Variants in HPSE2 observed in about 807,000 individuals in gnomAD.
HPSE2 encodes the protein heparanase 2 (inactive), also known as inactive heparanase-2.
A neutral mutation model predicts 60.5 loss-of-function variants in HPSE2; 38 were observed. That is an observed-to-expected ratio of 0.63 (90% confidence interval 0.48 to 0.82). The LOEUF (loss-of-function observed/expected upper bound fraction) is 0.82. Among genes scored for constraint, HPSE2 ranks in the 40% least tolerant of loss-of-function variants. The pLI is 0.00. For missense variants in HPSE2, 713 were observed against 740.4 expected (o/e 0.96, Z 0.43); for synonymous variants, 295 against 293.2 (o/e 1.01, Z -0.06).
At chr10:99,176,117 T>C (rs1468665141) in intron 2 of HPSE2, among the ~76,000 whole-genome samples, 1 of 151,824 alleles carries the variant, frequency 6.6e-6, no homozygotes, top group Non-Finnish European at 1.5e-5. Context: ...CATCAGAAGG[T>C]CACCAACATC....
At chr10:98,862,919 C>A (rs1436050145) in intron 3 of HPSE2, among the ~76,000 whole-genome samples, 3 of 152,092 alleles carry the variant, frequency 2.0e-5, no homozygotes, top group Non-Finnish European at 4.4e-5. Context: ...TACCACTGTG[C>A]CAGGCTACTT....
chr10:99,075,947 T>C (rs1200314873), intron 3 of HPSE2, among the ~76,000 whole-genome samples: 1 of 152,160 alleles, frequency 6.6e-6, no homozygotes, highest in Non-Finnish European at 1.5e-5. Context: ...ATACATATAG[T>C]TGGATCTTGT....
intron 11 of HPSE2, 49 bp from the exon 12 acceptor site, chr10:98,459,788 G>C: frequency 6.4e-7 from 1 of 1,556,290 alleles, no homozygotes; most frequent in Non-Finnish European, 8.8e-7. Flanking sequence ...TTATAAGGGA[G>C]CCACTGCAAC....
chr10:99,259,253 C>T, the HPSE2 span, among the ~76,000 whole-genome samples: 49,285 of 149,550 alleles, frequency 0.33, 11,002 homozygotes, highest in African/African-American at 0.64. Context: ...TTGCAGTGAG[C>T]CAAGATTGCT....
chr10:98,828,229 G>A (rs999475686), intron 3 of HPSE2, among the ~76,000 whole-genome samples: 3 of 152,088 alleles, frequency 2.0e-5, no homozygotes, highest in Non-Finnish European at 4.4e-5. Context: ...GCTTCTTTTT[G>A]AATAATGCTT....
At chr10:99,281,778 T>C in the HPSE2 span, among the ~76,000 whole-genome samples, 1 of 152,154 alleles carries the variant, frequency 6.6e-6, no homozygotes, top group African/African-American at 2.4e-5. Context: ...CTGTAGATCA[T>C]GGTAAACAGT....
At chr10:99,030,966 A>T (rs949387301) in intron 3 of HPSE2, among the ~76,000 whole-genome samples, 3 of 152,190 alleles carry the variant, frequency 2.0e-5, no homozygotes, top group Admixed American at 6.5e-5. Flanking sequence ...GAGTAGAAAG[A>T]TGGTTACCAG....
chr10:98,518,042 C>G (rs10748736), intron 9 of HPSE2, among the ~76,000 whole-genome samples: 6 of 152,076 alleles, frequency 3.9e-5, no homozygotes, highest in African/African-American at 1.5e-4. Context: ...TCAGCTCTTC[C>G]CAAAACATGG....
intron 9 of HPSE2, among the ~76,000 whole-genome samples, chr10:98,580,863 T>TGTGTGTGTGTGTGTGTGTGA (rs758991622): frequency 2.8e-5 from 4 of 142,594 alleles, no homozygotes; most frequent in African/African-American, 7.9e-5. Flanking sequence ...TGTGTGTGTG[T>TGTGTGTGTGTGTGTGTGTGA]GATAAACATG....
chr10:98,878,904 G>C (rs1391812626), intron 3 of HPSE2, among the ~76,000 whole-genome samples: 1 of 151,944 alleles, frequency 6.6e-6, no homozygotes, highest in Non-Finnish European at 1.5e-5. Context: ...AGATGAGTGA[G>C]AGAGACTGGA....
At chr10:98,857,577 A>C (rs1158925822) in intron 3 of HPSE2, among the ~76,000 whole-genome samples, 1 of 152,228 alleles carries the variant, frequency 6.6e-6, no homozygotes, top group African/African-American at 2.4e-5. Flanking sequence ...AAACACGTAC[A>C]CACCAAAAAT....
chr10:99,004,178 AGC>A (rs1956840593), intron 3 of HPSE2, among the ~76,000 whole-genome samples: 1 of 151,810 alleles, frequency 6.6e-6, no homozygotes, highest in Admixed American at 6.6e-5. Context: ...CAGTTGGCCC[AGC>A]TTTTTTTTAA....
At chr10:99,243,136 G>C in the HPSE2 span, among the ~76,000 whole-genome samples, 1 of 151,906 alleles carries the variant, frequency 6.6e-6, no homozygotes, top group South Asian at 2.1e-4. Context: ...GGCGGATCAC[G>C]AGGTCAGGGA....
At chr10:99,122,325 T>A (rs998886234) in intron 3 of HPSE2, among the ~76,000 whole-genome samples, 3 of 152,020 alleles carry the variant, frequency 2.0e-5, no homozygotes, top group Non-Finnish European at 4.4e-5. Context: ...TCACCACTAT[T>A]TTTCAATCTT....
intron 9 of HPSE2, among the ~76,000 whole-genome samples, chr10:98,526,955 A>T (rs572111245): frequency 1.1e-4 from 16 of 152,244 alleles, no homozygotes; most frequent in Middle Eastern, 3.4e-3. Flanking sequence ...TTTTAAAGGG[A>T]CCTCAAACCC....
intron 5 of HPSE2, among the ~76,000 whole-genome samples, chr10:98,708,214 T>A (rs546109388): frequency 7.2e-5 from 11 of 152,216 alleles, no homozygotes; most frequent in African/African-American, 2.4e-4. Context: ...CCCAGTACTT[T>A]GGGAGGCTGA....
intron 3 of HPSE2, among the ~76,000 whole-genome samples, chr10:99,108,318 T>C (rs900101623): frequency 6.6e-6 from 1 of 151,056 alleles, no homozygotes; most frequent in Non-Finnish European, 1.5e-5. Flanking sequence ...AACTTTGGAC[T>C]AACAGACATA....
chr10:98,629,123 C>G (rs1026424405), intron 7 of HPSE2, among the ~76,000 whole-genome samples: 5 of 152,144 alleles, frequency 3.3e-5, no homozygotes, highest in African/African-American at 1.2e-4. Context: ...TATGGTTATC[C>G]AAACCCAACA....
At chr10:98,725,775 A>T (rs1196962694) in intron 4 of HPSE2, among the ~76,000 whole-genome samples, 1 of 152,176 alleles carries the variant, frequency 6.6e-6, no homozygotes, top group Non-Finnish European at 1.5e-5. Flanking sequence ...TCTACAATGA[A>T]CTCAAACAAA....
Sources: gnomAD v4.1 joint callset for allele counts (sites outside exome capture counted in the v4.1 genomes callset) on GRCh38, gnomAD v4.1.1 for gene constraint, MANE v1.5 for transcripts, NCBI Gene and HGNC (gene_info 2026-07-23, HGNC 2026-07-21) for gene names.